KIF18A: variants seen among roughly 807,000 people sequenced by gnomAD.
KIF18A encodes the protein kinesin family member 18A.
A neutral mutation model predicts 103.3 loss-of-function variants in KIF18A; 67 were observed. The observed-to-expected ratio is 0.65, with a 90% confidence interval of 0.53 to 0.79. The LOEUF (loss-of-function observed/expected upper bound fraction) is 0.79, where lower values mean the gene tolerates loss of function less well. Ranked by LOEUF, KIF18A falls within the 30% of genes least tolerant of loss-of-function variation. The pLI, the probability that KIF18A is intolerant of heterozygous loss-of-function variation, is 0.00. For missense variants in KIF18A, 1,032 were observed against 1,062.5 expected (o/e 0.97, Z 0.40); for synonymous variants, 367 against 355.5 (o/e 1.03, Z -0.36).
chr11:28,094,051 T>G (rs1246164238), intron 3 of KIF18A, among the ~76,000 whole-genome samples: 1 of 152,218 alleles, frequency 6.6e-6, no homozygotes, highest in Non-Finnish European at 1.5e-5. Context: ...AACATCACTT[T>G]GCTTGTGTTA....
intron 7 of KIF18A, among the ~76,000 whole-genome samples, chr11:28,083,988 T>A (rs1202033340): frequency 6.6e-6 from 1 of 152,092 alleles, no homozygotes; most frequent in Non-Finnish European, 1.5e-5. Context: ...TCTAGGTTTT[T>A]TCAACCCCGA....
chr11:28,066,558 C>T (rs543497639), intron 11 of KIF18A, among the ~76,000 whole-genome samples: 1 of 151,538 alleles, frequency 6.6e-6, no homozygotes, highest in East Asian at 1.9e-4. Context: ...AAGATGGACA[C>T]AACGTTTAAA....
At chr11:28,056,273 T>C (rs926555843) in intron 13 of KIF18A, among the ~76,000 whole-genome samples, 12 of 151,230 alleles carry the variant, frequency 7.9e-5, no homozygotes, top group Admixed American at 2.0e-4. Flanking sequence ...TGCAAAGATA[T>C]GAAACTATAA....
intron 11 of KIF18A, among the ~76,000 whole-genome samples, chr11:28,062,908 T>C (rs1850873475): frequency 6.6e-6 from 1 of 152,082 alleles, no homozygotes; most frequent in South Asian, 2.1e-4. Flanking sequence ...TGTCATAGCA[T>C]TTACTCTATT....
chr11:28,069,654 G>C (rs1446658263), intron 10 of KIF18A, among the ~76,000 whole-genome samples: 1 of 151,494 alleles, frequency 6.6e-6, no homozygotes, highest in African/African-American at 2.4e-5. Flanking sequence ...AGAGTTTATG[G>C]CTTTAAGAAA....
chr11:28,097,329 A>T (rs995758826), intron 2 of KIF18A: 4 of 270,740 alleles, frequency 1.5e-5, no homozygotes, highest in Non-Finnish European at 2.8e-5. Flanking sequence ...GAGAAAACTG[A>T]TGTTAATTGC....
intron 1 of KIF18A, among the ~76,000 whole-genome samples, chr11:28,107,485 G>A (rs2133575211): frequency 6.6e-6 from 1 of 152,094 alleles, no homozygotes; most frequent in South Asian, 2.1e-4. Flanking sequence ...TATCTCTTCC[G>A]TACCTCATCT....
intron 15 of KIF18A, among the ~76,000 whole-genome samples, chr11:28,026,811 CTA>C (rs1296719156): frequency 1.3e-5 from 2 of 151,672 alleles, no homozygotes; most frequent in Non-Finnish European, 3.0e-5. Context: ...AAAACTGACA[CTA>C]TGCAAATTAG....
intron 14 of KIF18A, 43 bp from the exon 15 acceptor site, chr11:28,035,537 T>G: frequency 8.3e-7 from 1 of 1,198,566 alleles, no homozygotes; most frequent in Non-Finnish European, 1.1e-6. Flanking sequence ...AATTTTGATT[T>G]GAACTATGAA....
intron 13 of KIF18A, among the ~76,000 whole-genome samples, chr11:28,038,764 A>G (rs1031291682): frequency 6.6e-6 from 1 of 151,704 alleles, no homozygotes; most frequent in East Asian, 1.9e-4. Context: ...CTACTGAGGA[A>G]TTTTACTTTT....
At position 28,036,670 on chromosome 11, in the gene KIF18A, C is replaced by A. The variant is rs777649400; in HGVS notation, c.1949-6G>T. 2.0e-6 allele frequency: 3 copies of A among 1,517,282 alleles called. No homozygotes were observed. The highest frequency in any genetic ancestry group is 2.1e-5 in the Admixed American group (1 of 47,076). The allele number at this position is 1,517,282 out of a possible 1,614,324, so 94.0% of individuals were successfully genotyped here. On this transcript the variant is annotated splice_region_variant and splice_polypyrimidine_tract_variant and intron_variant, in intron 13 of 16. Transcript: ENST00000263181. ...AGTTCCACCTGAAGATGAGCCTATT[C>A]AAAAAAATAAAAAAAGACACTCGAT...
chr11:28,023,816 T>G lies in KIF18A; in HGVS notation c.2539A>C (p.Asn847His), dbSNP rs199512613. The change falls in exon 16 of 17, where the codon AAT becomes CAT. Residue 847 changes from asparagine (N) to histidine (H), a missense_variant. By Grantham distance (68) the Asn-to-His change is moderately conservative. Coordinates refer to ENST00000263181, the MANE Select transcript of KIF18A (RefSeq NM_031217.4). Reference protein sequence around the residue: ...TSNSSLTADVNSGFAKRVRQD... With the variant: ...TSNSSLTADVHSGFAKRVRQD... Reference sequence around the variant, plus strand: ...CGAACACGTTTGGCAAATCCAGAATTTACGTCTGCAGTTAACGAACTGTTT... The same window carrying G: ...CGAACACGTTTGGCAAATCCAGAATGTACGTCTGCAGTTAACGAACTGTTT... 5.1e-4 allele frequency: 824 copies of G among 1,612,850 alleles called. No individual in the cohort carries two copies. The highest frequency in any genetic ancestry group is 6.4e-4 in the Non-Finnish European group (754 of 1,179,204).
chr11:28,040,546 T>C (rs1424821245), intron 13 of KIF18A, among the ~76,000 whole-genome samples: 1 of 151,816 alleles, frequency 6.6e-6, no homozygotes, highest in Non-Finnish European at 1.5e-5. Context: ...AGGCTGTGCC[T>C]TGCAGAACAA....
intron 12 of KIF18A, 38 bp downstream of exon 12, chr11:28,062,356 AG>A: frequency 6.5e-7 from 1 of 1,540,656 alleles, no homozygotes; most frequent in Non-Finnish European, 8.8e-7. Context: ...CTTCAGATAT[AG>A]TGTTAAAATT....
At chr11:28,025,739 A>G (rs1320644290) in intron 15 of KIF18A, among the ~76,000 whole-genome samples, 2 of 152,012 alleles carry the variant, frequency 1.3e-5, no homozygotes, top group African/African-American at 4.8e-5. Context: ...GCGCAAGTTC[A>G]AATTATGTTA....
chr11:28,102,295 C>T (rs1851455866), intron 1 of KIF18A, among the ~76,000 whole-genome samples: 1 of 152,202 alleles, frequency 6.6e-6, no homozygotes, highest in South Asian at 2.1e-4. Flanking sequence ...ACATTCCTTT[C>T]TATCAATCCC....
At chr11:28,022,198 A>G (rs1321205747) in intron 16 of KIF18A, among the ~76,000 whole-genome samples, 1 of 151,674 alleles carries the variant, frequency 6.6e-6, no homozygotes, top group African/African-American at 2.4e-5. Context: ...CTCTTTATAC[A>G]TGAAATATTT....
chr11:28,043,277 T>C (rs1850584476), intron 13 of KIF18A, among the ~76,000 whole-genome samples: 2 of 152,138 alleles, frequency 1.3e-5, no homozygotes, highest in Middle Eastern at 3.4e-3. Flanking sequence ...GGCAGATTTC[T>C]AGCTGAGACT....
intron 6 of KIF18A, 22 bp from the exon 7 acceptor site, chr11:28,084,830 C>A: frequency 1.3e-6 from 2 of 1,585,528 alleles, no homozygotes; most frequent in South Asian, 1.1e-5. Context: ...AAAAAGAGAT[C>A]TTATGTCATT....
Sources: gnomAD v4.1 joint callset for allele counts (sites outside exome capture counted in the v4.1 genomes callset) on GRCh38, gnomAD v4.1.1 for gene constraint, MANE v1.5 for transcripts, NCBI Gene and HGNC (gene_info 2026-07-23, HGNC 2026-07-21) for gene names.